Variants in PHLPP1 observed in about 807,000 individuals in gnomAD.
The protein encoded by PHLPP1 is PH domain leucine-rich repeat-containing protein phosphatase 1.
Under a neutral mutation model 117.2 loss-of-function variants are expected in PHLPP1, and 42 were observed. The ratio of observed to expected loss-of-function variants is 0.36; its 90% CI spans 0.28 to 0.46. PHLPP1 has a LOEUF of 0.46. Ranked by LOEUF, PHLPP1 falls within the 20% of genes least tolerant of loss-of-function variation. The pLI is 1.00. For missense variants in PHLPP1, 2,084 were observed against 2,241.9 expected (o/e 0.93, Z 1.42); for synonymous variants, 1,042 against 970.7 (o/e 1.07, Z -1.37).
At position 62,978,995 on chromosome 18, in the gene PHLPP1, G is replaced by A. The variant is rs759406890; in HGVS notation, c.4718G>A (p.Arg1573Gln). The change falls in exon 17 of 17, where the codon CGG (arginine) becomes CAG (glutamine). Residue 1573 changes from arginine to glutamine, a missense_variant. By Grantham distance (43) the Arg-to-Gln change is conservative (BLOSUM62 1). This residue lies in a region of PHLPP1 where 1,365 missense variants were observed against 1,605.9 expected (regional missense o/e 0.85). Coordinates refer to ENST00000262719, the MANE Select transcript of PHLPP1 (RefSeq NM_194449.4). This position sits in a 1 kb window ranked among gnomAD's most constrained non-coding sequence, Gnocchi z 7.0. ...GTGGAGGTGGACATCCACTGCAGCC[G>A]GGCCAAGGAGAAGGAGAAACAGCAG... ...VEVEVDIHCS[R>Q]AKEKEKQQHL... 21 of 1,612,860 alleles carry A rather than the reference G, an allele frequency of 1.3e-5. No individual in the cohort carries two copies. The highest frequency in any genetic ancestry group is 1.6e-4 in the Middle Eastern group (1 of 6,062).
intron 1 of PHLPP1, among the ~76,000 whole-genome samples, chr18:62,807,207 T>C (rs974704616): frequency 6.6e-6 from 1 of 152,142 alleles, no homozygotes; most frequent in African/African-American, 2.4e-5. Flanking sequence ...CACATCTTCT[T>C]TGTTACATAG....
intron 1 of PHLPP1, among the ~76,000 whole-genome samples, chr18:62,731,015 G>A (rs927905529): frequency 1.3e-5 from 2 of 152,182 alleles, no homozygotes; most frequent in African/African-American, 4.8e-5. Context: ...ATGGAAGACT[G>A]TACAGGCATA....
At chr18:62,784,490 A>G (rs1354507489) in intron 1 of PHLPP1, among the ~76,000 whole-genome samples, 1 of 152,226 alleles carries the variant, frequency 6.6e-6, no homozygotes, top group Non-Finnish European at 1.5e-5. Context: ...CATCTTCAGA[A>G]GGAAGAGAAG....
In PHLPP1 at chr18:62,715,661, G is replaced by A; in HGVS notation, c.-23G>A. The A allele has an allele frequency of 7.9e-7, 1 of 1,269,968 alleles. No individual in the cohort carries two copies. Among genetic ancestry groups the A allele is most frequent in the Non-Finnish European group, 9.9e-7 (1 of 1,008,730 alleles). 78.7% of individuals were successfully genotyped at this position (1,269,968 alleles called of 1,614,324 possible). On this transcript the variant is annotated 5_prime_UTR_variant, in exon 1 of 17. Coordinates refer to ENST00000262719, the MANE Select transcript of PHLPP1 (RefSeq NM_194449.4). ...CCGCCCGCTGCCTCCGGAGCTGGGGGGGAAACGCGAAGCCCCACTGCAATG... is the reference window on the plus strand; with the variant it reads ...CCGCCCGCTGCCTCCGGAGCTGGGGAGGAAACGCGAAGCCCCACTGCAATG...
At chr18:62,893,505 T>TA (rs1916477451) in intron 4 of PHLPP1, among the ~76,000 whole-genome samples, 1 of 152,250 alleles carries the variant, frequency 6.6e-6, no homozygotes, top group Admixed American at 6.5e-5. Context: ...AGGTATTATT[T>TA]AAAAATCAAG....
At chr18:62,779,455 A>G (rs1913058756) in intron 1 of PHLPP1, 1 of 152,186 alleles carries the variant, frequency 6.6e-6, no homozygotes, top group Non-Finnish European at 1.5e-5. Flanking sequence ...GCAGTATCCC[A>G]GTGCATGGAG....
chr18:62,761,675 A>C (rs1912244018), intron 1 of PHLPP1, among the ~76,000 whole-genome samples: 1 of 151,758 alleles, frequency 6.6e-6, no homozygotes, highest in Admixed American at 6.6e-5. Context: ...AATAAAAAAA[A>C]AAAGAAATGA....
intron 14 of PHLPP1, among the ~76,000 whole-genome samples, chr18:62,967,691 A>G (rs897436217): frequency 6.6e-6 from 1 of 152,070 alleles, no homozygotes; most frequent in African/African-American, 2.4e-5. Flanking sequence ...CTTTTTCTGT[A>G]TCAATTGAGA....
chr18:62,715,822 G>A lies in PHLPP1; in HGVS notation c.139G>A (p.Gly47Ser). ...AAAALAAAAG[G>S]GRSPEPALTP... Reference sequence around the variant, plus strand: ...GGCGGCTCTGGCGGCGGCGGCCGGGGGCGGCCGGAGTCCGGAGCCCGCGCT... The same window carrying A: ...GGCGGCTCTGGCGGCGGCGGCCGGGAGCGGCCGGAGTCCGGAGCCCGCGCT... Residue 47 changes from glycine to serine, a missense_variant, in exon 1 of 17, where the codon GGC (glycine) becomes AGC (serine). By Grantham distance (56) the Gly-to-Ser change is moderately conservative. Coordinates refer to ENST00000262719, the MANE Select transcript of PHLPP1 (RefSeq NM_194449.4). 1 of 760,212 alleles carries A rather than the reference G, an allele frequency of 1.3e-6. No homozygotes were observed. The highest frequency in any genetic ancestry group is 1.6e-6 in the Non-Finnish European group (1 of 620,922). 47.1% of individuals were successfully genotyped at this position (760,212 alleles called of 1,614,324 possible).
rs759151898 is a variant in PHLPP1, at chr18:62,945,157, T to C, written c.3210T>C (p.Asn1070=). The C allele has an allele frequency of 5.6e-6, 9 of 1,612,524 alleles. No individual in the cohort carries two copies. Among genetic ancestry groups the C allele is most frequent in the Admixed American group, 3.3e-5 (2 of 59,714 alleles). The change falls in exon 12 of 17, where the codon AAT becomes AAC. Residue 1070 remains asparagine (N), a synonymous_variant. Transcript: ENST00000262719. The stretch of plus-strand genomic sequence containing the variant: ...TTGAAGAAATTGATCTCAGTGGGAA[T>C]AAGCTGAAAGCCATCCCAACAACGA... The part of the protein sequence containing the change: ...EELEEIDLSG[N]KLKAIPTTIM...
chr18:62,807,192 ACT>A (rs1304811019), intron 1 of PHLPP1, among the ~76,000 whole-genome samples: 3 of 151,700 alleles, frequency 2.0e-5, no homozygotes, highest in Non-Finnish European at 4.4e-5. Flanking sequence ...CAAAAAAGAA[ACT>A]CTCACATCTT....
chr18:62,752,758 A>G (rs958510003), intron 1 of PHLPP1, among the ~76,000 whole-genome samples: 8 of 152,186 alleles, frequency 5.3e-5, no homozygotes, highest in African/African-American at 1.7e-4. Flanking sequence ...TACATGTTCA[A>G]TATCTTTTTC....
intron 1 of PHLPP1, among the ~76,000 whole-genome samples, chr18:62,787,083 G>T (rs936269461): frequency 2.0e-5 from 3 of 152,054 alleles, no homozygotes; most frequent in Non-Finnish European, 4.4e-5. Context: ...AGGCCAGAGT[G>T]CAGGGAAAAA....
intron 1 of PHLPP1, among the ~76,000 whole-genome samples, chr18:62,766,077 A>AAAAAATATATATATATATATATATATAT (rs1912495060): frequency 4.8e-5 from 1 of 20,976 alleles, no homozygotes; most frequent in Non-Finnish European, 1.0e-4. Flanking sequence ...AAAAAAAAAA[A>AAAAAATATATATATATATATATATATAT]TATATATATA....
intron 6 of PHLPP1, among the ~76,000 whole-genome samples, chr18:62,902,537 C>A (rs910934957): frequency 1.3e-5 from 2 of 152,134 alleles, no homozygotes; most frequent in East Asian, 3.9e-4. Flanking sequence ...ATTAAATATT[C>A]GTTGTAGTTG....
intron 1 of PHLPP1, among the ~76,000 whole-genome samples, chr18:62,721,722 G>A (rs1417416409): frequency 6.6e-6 from 1 of 152,128 alleles, no homozygotes; most frequent in Non-Finnish European, 1.5e-5. Flanking sequence ...AGGGGCAGGA[G>A]ATGAGTGTAA....
At chr18:62,940,889 T>C (rs183148910) in intron 10 of PHLPP1, among the ~76,000 whole-genome samples, 9 of 152,358 alleles carry the variant, frequency 5.9e-5, no homozygotes, top group African/African-American at 1.9e-4. Context: ...CGCCGTCTCC[T>C]GGATACTGCC....
At chr18:62,956,776 A>G (rs1910623030) in intron 12 of PHLPP1, among the ~76,000 whole-genome samples, 1 of 152,062 alleles carries the variant, frequency 6.6e-6, no homozygotes, top group Non-Finnish European at 1.5e-5. Flanking sequence ...TGGCAATATA[A>G]TTTTTTTCAT....
chr18:62,893,402 G>A (rs1002159238), intron 4 of PHLPP1, among the ~76,000 whole-genome samples: 3 of 152,106 alleles, frequency 2.0e-5, no homozygotes, highest in Non-Finnish European at 2.9e-5. Context: ...GTTTAAAAAC[G>A]ATTATCCAGA....
Sources: allele counts gnomAD v4.1 joint callset (sites outside exome capture counted in the v4.1 genomes callset), GRCh38; gene constraint gnomAD v4.1.1; regional missense constraint gnomAD v4.1.1; non-coding constraint Gnocchi (gnomAD v3.1); transcripts MANE v1.5; gene names NCBI Gene and HGNC (gene_info 2026-07-23, HGNC 2026-07-21).